EPB41L4A: variants seen among roughly 807,000 people sequenced by gnomAD.
EPB41L4A encodes band 4.1-like protein 4A.
A neutral mutation model predicts 108.6 loss-of-function variants in EPB41L4A; 100 were observed. The observed-to-expected ratio is 0.92, with a 90% CI of 0.78 to 1.09. The LOEUF is 1.09. EPB41L4A is among the 50% of genes least tolerant of loss of function. The probability of loss-of-function intolerance (pLI) is 0.00; values close to 1 mark genes in which losing one functional copy is unlikely to be tolerated. For synonymous variants in EPB41L4A, 319 were observed against 289.0 expected (o/e 1.10, Z -1.05); for missense variants, 1,030 against 842.7 (o/e 1.22, Z -2.75).
intron 1 of EPB41L4A, among the ~76,000 whole-genome samples, chr5:112,411,735 C>T (rs1762425505): frequency 6.6e-6 from 1 of 152,130 alleles, no homozygotes; most frequent in Non-Finnish European, 1.5e-5. Context: ...TGATGGTGAC[C>T]ATACAGCACT....
intron 1 of EPB41L4A, among the ~76,000 whole-genome samples, chr5:112,377,507 G>A (rs1580788782): frequency 6.6e-6 from 1 of 152,108 alleles, no homozygotes; most frequent in African/African-American, 2.4e-5. Context: ...CTTTAAGTGT[G>A]CTCCAGATTT....
intron 2 of EPB41L4A, among the ~76,000 whole-genome samples, chr5:112,284,221 C>A (rs1287942324): frequency 6.6e-6 from 1 of 152,136 alleles, no homozygotes; most frequent in Non-Finnish European, 1.5e-5. Context: ...GAAAGAGGAG[C>A]AGAGAGCTGA....
At chr5:112,251,423 A>G (rs1350730028) in intron 9 of EPB41L4A, among the ~76,000 whole-genome samples, 1 of 152,222 alleles carries the variant, frequency 6.6e-6, no homozygotes, top group Non-Finnish European at 1.5e-5. Context: ...TGGTACACAC[A>G]TTCAATACAG....
chr5:112,149,214 T>C (rs1210825246), intron 12 of EPB41L4A, among the ~76,000 whole-genome samples: 1 of 152,206 alleles, frequency 6.6e-6, no homozygotes, highest in African/African-American at 2.4e-5. Flanking sequence ...CAGTGGCTTA[T>C]GCCTGTAATC....
At chr5:112,367,939 G>A (rs1759240160) in intron 1 of EPB41L4A, among the ~76,000 whole-genome samples, 1 of 152,076 alleles carries the variant, frequency 6.6e-6, no homozygotes, top group Admixed American at 6.5e-5. Context: ...CTGTGGCAAC[G>A]AGCTACTATG....
At position 112,316,384 on chromosome 5, in the gene EPB41L4A, G is replaced by C. The variant is rs561563975; in HGVS notation, c.100-8894C>G. On this transcript the variant is annotated intron_variant, in intron 1 of 22. Transcript: ENST00000261486. ...ACCACAATACATTCCTAGTTCTCTG[G>C]GAAAACTTAAAATTACATTAATTTT... Among the ~76,000 whole-genome samples the C allele has an allele frequency of 2.6e-5, 4 of 152,148 alleles. No homozygotes were observed. In the East Asian group the frequency reaches 7.7e-4, roughly 29 times the overall value.
chr5:112,338,960 G>A lies in EPB41L4A; in HGVS notation c.100-31470C>T, dbSNP rs76807045. ...CTGCTGTGCTCACACTTTATCTCCA[G>A]ACCATTTTGGCGCCTTACCTAGCAT... On this transcript the variant is annotated intron_variant, in intron 1 of 22. Transcript: ENST00000261486. 5.6e-3 allele frequency among the ~76,000 whole-genome samples: 855 copies of A among 152,198 alleles called. 42 individuals are homozygous for A. The East Asian group carries it at 0.12, about 22-fold the overall frequency.
chr5:112,221,474 CCACA>C (rs1310087157), intron 12 of EPB41L4A, among the ~76,000 whole-genome samples: 1 of 152,174 alleles, frequency 6.6e-6, no homozygotes, highest in Non-Finnish European at 1.5e-5. Context: ...CTACTTTGGG[CCACA>C]GTTTTCTCCT....
chr5:112,255,866 G>A lies in EPB41L4A; in HGVS notation c.795+3363C>T, dbSNP rs778489500. On this transcript the variant is annotated intron_variant, in intron 9 of 22. Transcript: ENST00000261486. ...ATCTCAAATTCAACATGTTCAAAAC[G>A]GGACTCCTGATCTTCCTCCTCAAGT... Among the ~76,000 whole-genome samples, 9 of 151,828 alleles carry A rather than the reference G, an allele frequency of 5.9e-5. No individual in the cohort carries two copies. In the South Asian group the frequency reaches 6.3e-4, roughly 11 times the overall value.
chr5:112,399,409 T>G (rs1249641462), intron 1 of EPB41L4A, among the ~76,000 whole-genome samples: 1 of 152,166 alleles, frequency 6.6e-6, no homozygotes, highest in East Asian at 1.9e-4. Flanking sequence ...CACTAAGTTG[T>G]AAGCTCCATA....
chr5:112,201,308 C>T (rs1009643008), intron 15 of EPB41L4A, among the ~76,000 whole-genome samples: 5 of 152,192 alleles, frequency 3.3e-5, no homozygotes, highest in Non-Finnish European at 7.3e-5. Context: ...TAGCCTTCCC[C>T]TGGAATACGC....
intron 1 of EPB41L4A, among the ~76,000 whole-genome samples, chr5:112,360,909 GTC>G (rs1658332664): frequency 1.3e-5 from 2 of 151,636 alleles, no homozygotes; most frequent in South Asian, 4.2e-4. Context: ...AATGAGGAGT[GTC>G]TCTGCCCCGC....
At chr5:112,369,666 G>T (rs1759358053) in intron 1 of EPB41L4A, among the ~76,000 whole-genome samples, 2 of 152,146 alleles carry the variant, frequency 1.3e-5, no homozygotes, top group Non-Finnish European at 1.5e-5. Context: ...TGCAGAAATG[G>T]TGAGAATTTA....
intron 1 of EPB41L4A, among the ~76,000 whole-genome samples, chr5:112,314,538 A>AAAAG (rs1561563700): frequency 1.8e-5 from 2 of 111,238 alleles, no homozygotes; most frequent in African/African-American, 7.2e-5. Flanking sequence ...AAAAAAAAAA[A>AAAAG]GAAAAGAAAT....
intron 12 of EPB41L4A, among the ~76,000 whole-genome samples, chr5:112,227,387 G>C (rs1748538074): frequency 6.6e-6 from 1 of 152,156 alleles, no homozygotes; most frequent in South Asian, 2.1e-4. Flanking sequence ...ACTGTGAATA[G>C]AAAGACATCC....
Position 112,183,953 on chromosome 5 carries a change from A to G in EPB41L4A, c.1622+63T>C, listed in dbSNP as rs535643944. ...GAACTAAAACACTTTAGAAGACCTG[A>G]ATATCCACATGCTACTTCAAATTCA... On this transcript the variant is annotated intron_variant, in intron 18 of 22. Transcript: ENST00000261486. 1,554 of 1,598,696 alleles carry G rather than the reference A, an allele frequency of 9.7e-4. 1 individual carries two copies. The highest frequency in any genetic ancestry group is 1.3e-3 in the Non-Finnish European group (1,499 of 1,170,134).
intron 2 of EPB41L4A, 151 bp downstream of exon 2, chr5:112,307,235 G>T (rs2150578764): frequency 1.7e-6 from 1 of 581,700 alleles, no homozygotes. Flanking sequence ...AGGAAAAAAT[G>T]CAAAGAAATT....
At chr5:112,310,392 C>G (rs894688174) in intron 1 of EPB41L4A, among the ~76,000 whole-genome samples, 1 of 152,196 alleles carries the variant, frequency 6.6e-6, no homozygotes, top group South Asian at 2.1e-4. Flanking sequence ...TCTTTTCTTA[C>G]TGCATTGGCT....
intron 12 of EPB41L4A, among the ~76,000 whole-genome samples, chr5:112,234,017 C>T (rs967865973): frequency 4.6e-5 from 7 of 151,526 alleles, no homozygotes; most frequent in Non-Finnish European, 1.0e-4. Flanking sequence ...AAATAAAACC[C>T]CTTCAAAAAG....
Sources: gnomAD v4.1 joint callset for allele counts (sites outside exome capture counted in the v4.1 genomes callset) on GRCh38, gnomAD v4.1.1 for gene constraint, MANE v1.5 for transcripts, NCBI Gene and HGNC (gene_info 2026-07-23, HGNC 2026-07-21) for gene names.